CCNB3: variants seen among roughly 807,000 people sequenced by gnomAD.
CCNB3 encodes the protein G2/mitotic-specific cyclin-B3.
A neutral mutation model predicts 68.0 loss-of-function variants in CCNB3; 12 were observed. That is an observed-to-expected ratio of 0.18 (90% CI 0.11 to 0.29). The LOEUF (loss-of-function observed/expected upper bound fraction) is 0.29. Ranked by LOEUF, CCNB3 falls within the 10% of genes least tolerant of loss-of-function variation. The pLI is 1.00. For missense variants in CCNB3, 904 were observed against 993.1 expected, an observed-to-expected ratio of 0.91 and a Z score of 1.21; for synonymous variants, 354 against 388.9, an observed-to-expected ratio of 0.91 and a Z score of 1.06.
intron 1 of CCNB3, among the ~76,000 whole-genome samples, chrX:50,208,681 C>T (rs73211797): frequency 9.0e-6 from 1 of 111,528 alleles, no homozygotes; most frequent in Non-Finnish European, 1.9e-5. Context: ...TCTATATTCA[C>T]GAGGGATATT....
intron 1 of CCNB3, among the ~76,000 whole-genome samples, chrX:50,226,796 AAT>A (rs1200404337): frequency 2.5e-4 from 19 of 75,931 alleles, no homozygotes; most frequent in East Asian, 7.4e-4. Flanking sequence ...ATGTACATAG[AAT>A]ATATATATAG....
intron 1 of CCNB3, among the ~76,000 whole-genome samples, chrX:50,222,034 GT>G (rs1172836448): frequency 2.8e-5 from 3 of 108,580 alleles, no homozygotes; most frequent in Non-Finnish European, 3.8e-5. Context: ...GCCCTTCTTT[GT>G]TTTTTTTTGA....
intron 1 of CCNB3, among the ~76,000 whole-genome samples, chrX:50,220,096 G>C (rs1046705715): frequency 0.02 from 2,177 of 111,592 alleles, 43 homozygotes; most frequent in African/African-American, 0.066. Context: ...AGGAATGCTT[G>C]TGATTTTTGC....
intron 1 of CCNB3, among the ~76,000 whole-genome samples, chrX:50,208,799 G>T (rs1447506744): frequency 8.9e-6 from 1 of 112,027 alleles, no homozygotes; most frequent in East Asian, 2.8e-4. Flanking sequence ...TTTTCTGGAA[G>T]TGACAGATGT....
At chrX:50,306,217 C>T (rs782143662) in intron 5 of CCNB3, among the ~76,000 whole-genome samples, 32 of 110,884 alleles carry the variant, frequency 2.9e-4, no homozygotes, top group Non-Finnish European at 4.9e-4. Context: ...TATTTCTAAG[C>T]ATTTTCTTCT....
At chrX:50,227,004 T>C (rs1274208079) in intron 1 of CCNB3, among the ~76,000 whole-genome samples, 1 of 75,351 alleles carries the variant, frequency 1.3e-5, no homozygotes, top group Non-Finnish European at 2.3e-5. Flanking sequence ...TATAAATATA[T>C]AGAAAATATA....
At chrX:50,285,082 C>T (rs41315080) in intron 2 of CCNB3, 45 bp from the exon 3 acceptor site, 7,276 of 708,817 alleles carry the variant, frequency 0.01, 54 homozygotes, top group Non-Finnish European at 0.013. Flanking sequence ...GAGAATTTAT[C>T]GTGTTTCTGG....
chrX:50,328,449 G>A (rs1557217598), intron 8 of CCNB3, among the ~76,000 whole-genome samples: 4 of 111,349 alleles, frequency 3.6e-5, no homozygotes, highest in African/African-American at 1.3e-4. Context: ...AGTGGGGGAA[G>A]TGCCATACAC....
chrX:50,214,078 C>G (rs1332550250), intron 1 of CCNB3, among the ~76,000 whole-genome samples: 6 of 110,807 alleles, frequency 5.4e-5, no homozygotes, highest in African/African-American at 1.6e-4. Flanking sequence ...AACATGATAT[C>G]TACCCTCTTA....
intron 4 of CCNB3, among the ~76,000 whole-genome samples, chrX:50,293,331 A>AT (rs782258281): frequency 6.2e-4 from 68 of 109,479 alleles, no homozygotes; most frequent in Non-Finnish European, 9.9e-4. Flanking sequence ...GGATTTGTTG[A>AT]TTTTTTTTAA....
chrX:50,226,566 A>T (rs1335966890), intron 1 of CCNB3, among the ~76,000 whole-genome samples: 8 of 52,367 alleles, frequency 1.5e-4, no homozygotes, highest in African/African-American at 6.3e-4. Flanking sequence ...TATATATATA[A>T]ATATATATAG....
In CCNB3 at chrX:50,288,903, C is replaced by T. The variant is rs1229434801; in HGVS notation, c.204+16C>T. ...TCTCACTAATGTGAGTATGCTAGTC[C>T]AATCCTTTGCTATGGTTTTGCATAA... On this transcript the variant is annotated intron_variant, in intron 4 of 12. Coordinates refer to ENST00000376042, the MANE Select transcript of CCNB3 (RefSeq NM_033031.3). The T allele has an allele frequency of 1.9e-6, 2 of 1,056,789 alleles. No individual in the cohort carries two copies. The highest frequency in any genetic ancestry group is 2.3e-5 in the Admixed American group (1 of 44,172). The allele number at this position is 1,056,789 out of a possible 1,213,427, so 87.1% of individuals were successfully genotyped here. A position where few individuals can be genotyped will look rare whatever the true frequency, so the allele number is the denominator to read the frequency against.
Position 50,310,871 on chromosome X carries a change from A to C in CCNB3, c.2702A>C (p.Lys901Thr). The change falls in exon 6 of 13, where the codon AAG becomes ACG. Residue 901 changes from lysine (K) to threonine (T), a missense_variant. Transcript: ENST00000376042. ...IFKESLDLQEKPSIKKETLLK... is the reference protein window; with the variant it reads ...IFKESLDLQETPSIKKETLLK... ...AAGGAGTCTTTGGACTTGCAAGAGA[A>C]GCCCAGCATTAAGAAAGAGACCCTC... 2 of 1,211,956 alleles carry C rather than the reference A, an allele frequency of 1.7e-6. No individual in the cohort carries two copies. The highest frequency in any genetic ancestry group is 2.2e-6 in the Non-Finnish European group (2 of 895,557).
In CCNB3 at chrX:50,311,577, T is replaced by G. The variant is rs187672841; in HGVS notation, c.3327+81T>G. 1,786 of 767,277 alleles carry G rather than the reference T, an allele frequency of 2.3e-3. 25 individuals carry two copies. The African/African-American group carries it at 0.036, about 15-fold the overall frequency. The allele number at this position is 767,277 out of a possible 1,213,427, so 63.2% of individuals were successfully genotyped here. ...GTGGCTGCTAGCAAAGTTGTTTTTT[T>G]TTTTTTGTTTTTGTTTTTTGTTGTT... On this transcript the variant is annotated intron_variant, in intron 6 of 12. Coordinates refer to ENST00000376042, the MANE Select transcript of CCNB3 (RefSeq NM_033031.3).
intron 1 of CCNB3, among the ~76,000 whole-genome samples, chrX:50,216,157 G>A (rs1159101114): frequency 9.2e-6 from 1 of 108,713 alleles, no homozygotes; most frequent in Admixed American, 9.9e-5. Context: ...CCATGTTGAT[G>A]TTGGTCAGGC....
chrX:50,216,263 G>A (rs1399480727), intron 1 of CCNB3, among the ~76,000 whole-genome samples: 1 of 104,557 alleles, frequency 9.6e-6, no homozygotes, highest in African/African-American at 3.5e-5. Flanking sequence ...TTGTGTGTGT[G>A]TGTGTTTGTG....
intron 8 of CCNB3, among the ~76,000 whole-genome samples, chrX:50,334,512 G>A (rs1411280571): frequency 8.9e-6 from 1 of 112,547 alleles, no homozygotes; most frequent in Non-Finnish European, 1.9e-5. Context: ...GTGCTAACAG[G>A]GCTGTTGCTG....
chrX:50,312,653 G>T, intron 7 of CCNB3, 21 bp downstream of exon 7: 1 of 1,060,078 alleles, frequency 9.4e-7, no homozygotes, highest in Non-Finnish European at 1.3e-6. Context: ...TGCTTGGGTT[G>T]GGCAATGATT....
chrX:50,228,020 G>T (rs1456199652), intron 1 of CCNB3, among the ~76,000 whole-genome samples: 4 of 82,005 alleles, frequency 4.9e-5, no homozygotes, highest in Non-Finnish European at 8.9e-5. Context: ...TAAATATATA[G>T]AGAGAATATA....
Sources: gnomAD v4.1 joint callset for allele counts (sites outside exome capture counted in the v4.1 genomes callset) on GRCh38, gnomAD v4.1.1 for gene constraint, MANE v1.5 for transcripts, NCBI Gene and HGNC (gene_info 2026-07-23, HGNC 2026-07-21) for gene names.